SYNE1: variants seen among roughly 807,000 people sequenced by gnomAD.
SYNE1 encodes nesprin-1.
SYNE1 carries 616 observed loss-of-function variants against 1,111.0 expected under a neutral mutation model. The ratio of observed to expected loss-of-function variants is 0.55; its 90% confidence interval spans 0.52 to 0.59. The LOEUF is 0.59. Among genes scored for constraint, SYNE1 ranks in the 20% least tolerant of loss-of-function variants. SYNE1 has a pLI of 0.00. For missense variants in SYNE1, 10,006 were observed against 10,417.0 expected, an observed-to-expected ratio of 0.96 and a Z score of 1.72; for synonymous variants, 3,855 against 3,825.8, an observed-to-expected ratio of 1.01 and a Z score of -0.28.
chr6:152,240,040 G>A (rs1432543435), intron 107 of SYNE1, among the ~76,000 whole-genome samples: 1 of 152,182 alleles, frequency 6.6e-6, no homozygotes, highest in Non-Finnish European at 1.5e-5. Context: ...CCTGGGTGGA[G>A]AGGAGTTCAC....
At chr6:152,462,492 T>C in intron 20 of SYNE1, 1 of 591,944 alleles carries the variant, frequency 1.7e-6, no homozygotes, top group East Asian at 2.8e-5. Flanking sequence ...TAATACTTTT[T>C]AACTTGGTTG....
In SYNE1 at chr6:152,325,080, C is replaced by T. The variant is rs1007779688; in HGVS notation, c.15657+4G>A. ...AAGGTGAGCCCATGGACAGTGGAAA[C>T]TACCTTGTTGTTAAAGCCCGTCCAC... On this transcript the variant is annotated splice_donor_region_variant and intron_variant, in intron 81 of 145. Coordinates refer to ENST00000367255, the MANE Select transcript of SYNE1 (RefSeq NM_182961.4). 4.3e-6 allele frequency: 7 copies of T among 1,613,746 alleles called. No homozygotes were observed. The highest frequency in any genetic ancestry group is 2.2e-5 in the East Asian group (1 of 44,884).
rs777985131 is a variant in SYNE1, at chr6:152,122,460, G to T, written c.26370C>A (p.Tyr8790Ter). 1 of 1,614,168 alleles carries T rather than the reference G, an allele frequency of 6.2e-7. No homozygotes were observed. Among genetic ancestry groups the T allele is most frequent in the Non-Finnish European group, 8.5e-7 (1 of 1,180,030 alleles). The change falls in exon 146 of 146, where the codon TAC (tyrosine) becomes TAA (stop). Residue 8790 changes from tyrosine to a stop codon, truncating the protein, a stop_gained. Transcript: ENST00000367255. LOFTEE classifies it high-confidence loss of function. ...TTCAGAGTGGAGGAGGGCCATTCGT[G>T]TATCTGAGCATGGGGTGGAATGACC... ...FARSFHPMLR[Y>*]TNGPPPL
Position 152,219,031 on chromosome 6 carries a change from G to T in SYNE1, c.22016C>A (p.Ala7339Asp), listed in dbSNP as rs146907132. The T allele has an allele frequency of 4.5e-5, 73 of 1,614,112 alleles. No individual in the cohort carries two copies. Among genetic ancestry groups the T allele is most frequent in the Middle Eastern group, 1.6e-4 (1 of 6,062 alleles). ...LSQHLCALEQALCKQQTSLQA... is the reference protein window; with the variant it reads ...LSQHLCALEQDLCKQQTSLQA... ...TAATGAAGTCTGCTGTTTGCAGAGA[G>T]CTTGCTCCAGGGCACACAAGTGTTG... The change falls in exon 120 of 146, where the codon GCT becomes GAT. Residue 7339 changes from alanine to aspartate, a missense_variant. Ala to Asp is a moderately radical substitution (Grantham distance 126). This residue lies in a region of SYNE1 where 2,182 missense variants were observed against 2,287.8 expected (regional missense o/e 0.95). Transcript: ENST00000367255.
At chr6:152,533,957 A>G (rs182851595) in intron 4 of SYNE1, among the ~76,000 whole-genome samples, 128 of 152,188 alleles carry the variant, frequency 8.4e-4, no homozygotes, top group Admixed American at 5.8e-3. Context: ...TCAGGAGTTC[A>G]GGACCAGCCT....
At chr6:152,207,928 G>A (rs1373119934) in intron 125 of SYNE1, 44 bp downstream of exon 125, 1 of 1,600,970 alleles carries the variant, frequency 6.2e-7, no homozygotes, top group South Asian at 1.1e-5. Context: ...AGTGTGCGGT[G>A]GAAATGCCTA....
At chr6:152,298,942 A>G (rs1308250121) in intron 93 of SYNE1, among the ~76,000 whole-genome samples, 1 of 152,228 alleles carries the variant, frequency 6.6e-6, no homozygotes, top group Non-Finnish European at 1.5e-5. Context: ...ACATGTAAGT[A>G]TTTTAGATTA....
chr6:152,432,729 T>G (rs928352462), intron 34 of SYNE1, among the ~76,000 whole-genome samples: 2 of 152,186 alleles, frequency 1.3e-5, no homozygotes, highest in Non-Finnish European at 2.9e-5. Context: ...ACTATTTAAA[T>G]GTGCTATTCT....
intron 73 of SYNE1, among the ~76,000 whole-genome samples, chr6:152,346,788 C>T (rs1036858552): frequency 6.6e-6 from 1 of 151,986 alleles, no homozygotes; most frequent in Non-Finnish European, 1.5e-5. Flanking sequence ...CCAGCCTGTG[C>T]GACAGAGTGA....
intron 2 of SYNE1, among the ~76,000 whole-genome samples, chr6:152,630,173 C>G (rs963373985): frequency 6.6e-6 from 1 of 152,006 alleles, no homozygotes. Context: ...TGCTGCTGCC[C>G]CATGTGCAAT....
chr6:152,456,234 T>C (rs2098695063), intron 22 of SYNE1, among the ~76,000 whole-genome samples, 190 bp from the exon 23 acceptor site: 1 of 151,710 alleles, frequency 6.6e-6, no homozygotes, highest in African/African-American at 2.4e-5. Context: ...CTGAAGTCAG[T>C]GCTTTCTTAT....
chr6:152,337,127 A>G (rs1333846281), intron 75 of SYNE1, 110 bp from the exon 76 acceptor site: 1 of 1,004,954 alleles, frequency 1.0e-6, no homozygotes, highest in African/African-American at 1.6e-5. Context: ...TGACACACAC[A>G]TACACACGCA....
In SYNE1 at chr6:152,310,734, C is replaced by T. The variant is rs141550859; in HGVS notation, c.16850G>A (p.Arg5617Gln). The T allele has an allele frequency of 9.8e-5, 158 of 1,613,642 alleles. No homozygotes were observed. In the African/African-American group the frequency reaches 1.5e-3, roughly 15 times the overall value. Residue 5617 changes from arginine (R) to glutamine (Q), a missense_variant, in exon 88 of 146, where the codon CGA (arginine) becomes CAA (glutamine). By Grantham distance (43) the Arg-to-Gln change is conservative. Transcript: ENST00000367255. ...AELGRETEEL[R>Q]QMIKIRLQNL... is the part of the protein sequence containing the mutation. ...CTGCAAACGAATTTTGATCATCTGT[C>T]GCAACTCCTCAGTCTCCCGTCCCAG...
chr6:152,612,783 A>C (rs998315291), intron 3 of SYNE1, among the ~76,000 whole-genome samples: 3 of 152,224 alleles, frequency 2.0e-5, no homozygotes, highest in Non-Finnish European at 2.9e-5. Context: ...GCATCCCATC[A>C]AAAAGCTTAT....
chr6:152,323,291 A>T (rs1406704018), intron 82 of SYNE1, among the ~76,000 whole-genome samples, 187 bp downstream of exon 82: 1 of 152,106 alleles, frequency 6.6e-6, no homozygotes, highest in Non-Finnish European at 1.5e-5. Context: ...ACAAAAAATT[A>T]GCCGGGCGTG....
rs773964949 is a variant in SYNE1 at position 152,180,278 on chromosome 6, T to C, written c.23318A>G (p.Gln7773Arg). The change falls in exon 129 of 146, where the codon CAG becomes CGG. Residue 7773 changes from glutamine (Q) to arginine (R), a missense_variant. Around this residue, in one of 7 missense-constraint regions of SYNE1, gnomAD observed 2,182 missense variants for 2,287.8 expected, o/e 0.95. Coordinates refer to ENST00000367255, the MANE Select transcript of SYNE1 (RefSeq NM_182961.4). ...ELCHQLSLRRQQIGERLNEWA... is the reference protein window; with the variant it reads ...ELCHQLSLRRRQIGERLNEWA... ...TTCATTCAATCTTTCACCTATTTGC[T>C]GCCGCCTTAAGGAGAGCTGAAAAGT... 1.2e-6 allele frequency: 2 copies of C among 1,614,104 alleles called. No homozygotes were observed. Among genetic ancestry groups the C allele is most frequent in the South Asian group, 2.2e-5 (2 of 91,078 alleles).
chr6:152,242,522 A>G, intron 106 of SYNE1, 82 bp from the exon 107 acceptor site: 1 of 1,511,592 alleles, frequency 6.6e-7, no homozygotes, highest in East Asian at 2.3e-5. Flanking sequence ...GAACGCACCA[A>G]GCCCGAGACC....
At chr6:152,334,402 T>A in intron 76 of SYNE1, 129 bp from the exon 77 acceptor site, 1 of 1,031,928 alleles carries the variant, frequency 9.7e-7, no homozygotes, top group Non-Finnish European at 1.4e-6. Context: ...GAAGAATGTA[T>A]AATAAGTTAT....
At position 152,284,106 on chromosome 6, in the gene SYNE1, C is replaced by G. The variant is rs745822192; in HGVS notation, c.18079G>C (p.Glu6027Gln). 4 of 1,614,058 alleles carry G rather than the reference C, an allele frequency of 2.5e-6. No individual in the cohort carries two copies. In the Admixed American group the frequency reaches 6.7e-5, roughly 27 times the overall value. The change falls in exon 96 of 146, where the codon GAG becomes CAG. Residue 6027 changes from glutamate (E) to glutamine (Q), a missense_variant. By Grantham distance (29) the Glu-to-Gln change is conservative. This residue lies in a region of SYNE1 where 4,955 missense variants were observed against 5,017.2 expected (regional missense o/e 0.99). Coordinates refer to ENST00000367255, the MANE Select transcript of SYNE1 (RefSeq NM_182961.4). ...GCCTCACAAGACTCGGATACCAGCT[C>G]CTCTGCGAGAGAGGACTGGAGCTCA... ...INELQSSLAE[E>Q]LVSESCEADP...
Sources: gnomAD v4.1 joint callset for allele counts (sites outside exome capture counted in the v4.1 genomes callset) on GRCh38, gnomAD v4.1.1 for gene constraint, gnomAD v4.1.1 regional missense constraint, MANE v1.5 for transcripts, NCBI Gene and HGNC (gene_info 2026-07-23, HGNC 2026-07-21) for gene names.